The following PRDM5 variants were observed in gnomAD, a reference collection of about 807,000 sequenced individuals.
The protein encoded by PRDM5 is PR/SET domain 5.
Under a neutral mutation model 81.2 loss-of-function variants are expected in PRDM5, and 56 were observed. The observed-to-expected ratio is 0.69, with a 90% CI of 0.56 to 0.86. The LOEUF (loss-of-function observed/expected upper bound fraction) is 0.86. Ranked by LOEUF, PRDM5 falls within the 40% of genes least tolerant of loss-of-function variation. The pLI, the probability that PRDM5 is intolerant of heterozygous loss-of-function variation, is 0.00. For missense variants in PRDM5, 697 were observed against 770.1 expected, an observed-to-expected ratio of 0.91 and a Z score of 1.12; for synonymous variants, 267 against 256.4, an observed-to-expected ratio of 1.04 and a Z score of -0.39.
intron 2 of PRDM5, among the ~76,000 whole-genome samples, chr4:120,886,329 C>G (rs547047371): frequency 3.9e-5 from 6 of 152,272 alleles, no homozygotes; most frequent in Non-Finnish European, 7.4e-5. Context: ...CAATTGAAAA[C>G]ATTTTTTCCC....
At chr4:120,897,647 C>T (rs1270980606) in intron 2 of PRDM5, among the ~76,000 whole-genome samples, 1 of 152,178 alleles carries the variant, frequency 6.6e-6, no homozygotes, top group African/African-American at 2.4e-5. Context: ...AGTTTAATCT[C>T]TGTAATTCAT....
chr4:120,810,793 T>A (rs1753729449), intron 8 of PRDM5, among the ~76,000 whole-genome samples: 1 of 152,144 alleles, frequency 6.6e-6, no homozygotes, highest in Non-Finnish European at 1.5e-5. Context: ...TCTCCTTAAG[T>A]ATCAAAATCA....
rs572582798 is a variant in PRDM5, at chr4:120,803,652, T to C, written c.946-3907A>G. ...ATAAAATACTTTACAGACAAGAAAATGCTGAGATTTTGTCACCACCAGGCC... is the reference window on the plus strand; with the variant it reads ...ATAAAATACTTTACAGACAAGAAAACGCTGAGATTTTGTCACCACCAGGCC... On this transcript the variant is annotated intron_variant, in intron 8 of 15. Transcript: ENST00000264808. Among the ~76,000 whole-genome samples the C allele has an allele frequency of 4.3e-3, 655 of 152,096 alleles. 2 individuals are homozygous for C. The highest frequency in any genetic ancestry group is 0.015 in the African/African-American group (615 of 41,502).
chr4:120,894,401 T>C (rs1764392481), intron 2 of PRDM5, among the ~76,000 whole-genome samples: 1 of 152,218 alleles, frequency 6.6e-6, no homozygotes. Context: ...CACTCCTTTC[T>C]GCATTTCCAT....
At chr4:120,821,700 G>A (rs1485886020) in intron 3 of PRDM5, among the ~76,000 whole-genome samples, 2 of 150,716 alleles carry the variant, frequency 1.3e-5, no homozygotes, top group East Asian at 1.9e-4. Context: ...AGAGAGCAAT[G>A]AGATATCAAT....
At chr4:120,900,245 G>A (rs1004266601) in intron 2 of PRDM5, among the ~76,000 whole-genome samples, 4 of 152,094 alleles carry the variant, frequency 2.6e-5, no homozygotes, top group Admixed American at 2.6e-4. Context: ...GGGGGACACA[G>A]GGGGCTGAAA....
At chr4:120,698,406 C>T (rs1017668537) in intron 15 of PRDM5, among the ~76,000 whole-genome samples, 7 of 152,064 alleles carry the variant, frequency 4.6e-5, no homozygotes, top group African/African-American at 9.7e-5. Flanking sequence ...CTTTATTTTC[C>T]GGAATAGGCC....
intron 3 of PRDM5, among the ~76,000 whole-genome samples, chr4:120,825,699 TCTTA>T (rs1328730528): frequency 1.3e-5 from 2 of 151,378 alleles, no homozygotes; most frequent in African/African-American, 4.8e-5. Context: ...GTGTTGTTTT[TCTTA>T]CTTATTGTTA....
At chr4:120,733,022 A>G (rs1263737696) in intron 14 of PRDM5, among the ~76,000 whole-genome samples, 1 of 152,226 alleles carries the variant, frequency 6.6e-6, no homozygotes, top group Non-Finnish European at 1.5e-5. Context: ...AGCAATTGTT[A>G]TAGTTTTACT....
At chr4:120,799,575 G>A in intron 9 of PRDM5, 86 bp downstream of exon 9, 2 of 1,540,392 alleles carry the variant, frequency 1.3e-6, no homozygotes, top group Non-Finnish European at 1.8e-6. Flanking sequence ...TAAGGCCCCT[G>A]ATTACCACTC....
At chr4:120,702,755 A>G (rs1037169439) in intron 15 of PRDM5, among the ~76,000 whole-genome samples, 3 of 152,198 alleles carry the variant, frequency 2.0e-5, no homozygotes, top group Non-Finnish European at 4.4e-5. Flanking sequence ...TTATAAGTAT[A>G]TATTCAAATT....
intron 2 of PRDM5, among the ~76,000 whole-genome samples, chr4:120,906,307 C>A (rs1296458326): frequency 1.3e-5 from 2 of 152,132 alleles, no homozygotes; most frequent in Non-Finnish European, 2.9e-5. Flanking sequence ...TTGCCACTGT[C>A]TTCCAATTGC....
chr4:120,772,327 T>C (rs1747415714), intron 13 of PRDM5, among the ~76,000 whole-genome samples: 1 of 152,216 alleles, frequency 6.6e-6, no homozygotes. Context: ...GTTTTGGAGT[T>C]GAGTTCTAGA....
chr4:120,885,122 A>G (rs1308653627), intron 2 of PRDM5, among the ~76,000 whole-genome samples: 1 of 145,382 alleles, frequency 6.9e-6, no homozygotes, highest in Non-Finnish European at 1.5e-5. Context: ...GCGACAGAGC[A>G]AGACTCCGTA....
rs1430127652 is a variant in PRDM5 at position 120,764,263 on chromosome 4, A to C, written c.1538-9625T>G. ...AATGATAAAAATATGAACTACGTAA[A>C]TGACAGTATATTTTAAATGATCTAT... On this transcript the variant is annotated intron_variant, in intron 13 of 15. Transcript: ENST00000264808. Among the ~76,000 whole-genome samples the C allele has an allele frequency of 2.6e-5, 4 of 152,206 alleles. No homozygotes were observed. In the East Asian group the frequency reaches 7.7e-4, roughly 29 times the overall value.
In PRDM5 at chr4:120,694,816, G is replaced by C; in HGVS notation, c.*295C>G. The C allele has an allele frequency of 1.0e-5, 4 of 388,592 alleles. No individual in the cohort carries two copies. Among genetic ancestry groups the C allele is most frequent in the South Asian group, 1.0e-4 (4 of 39,320 alleles). The allele number at this position is 388,592 out of a possible 1,614,324, so 24.1% of individuals were successfully genotyped here. On this transcript the variant is annotated 3_prime_UTR_variant, in exon 16 of 16. Transcript: ENST00000264808. The stretch of plus-strand genomic sequence containing the variant: ...GAAGTATATTATAAACTTCATTACA[G>C]AGGGATGGCCAAGAAAGAGAGCCAT...
At chr4:120,761,951 AC>A (rs1443325041) in intron 13 of PRDM5, among the ~76,000 whole-genome samples, 1 of 152,144 alleles carries the variant, frequency 6.6e-6, no homozygotes, top group Non-Finnish European at 1.5e-5. Context: ...TGTATATATT[AC>A]CACAATTTTT....
chr4:120,839,571 G>C (rs1032919266), intron 3 of PRDM5, among the ~76,000 whole-genome samples: 1 of 152,194 alleles, frequency 6.6e-6, no homozygotes, highest in East Asian at 1.9e-4. Context: ...AGGGGAGGAA[G>C]TGTGCATTCT....
At chr4:120,771,825 C>T (rs1043646180) in intron 13 of PRDM5, among the ~76,000 whole-genome samples, 14 of 152,050 alleles carry the variant, frequency 9.2e-5, no homozygotes, top group Non-Finnish European at 1.6e-4. Flanking sequence ...TTAATAAACA[C>T]AATTCATTTA....
Sources: allele counts gnomAD v4.1 joint callset (sites outside exome capture counted in the v4.1 genomes callset), GRCh38; gene constraint gnomAD v4.1.1; transcripts MANE v1.5; gene names NCBI Gene and HGNC (gene_info 2026-07-23, HGNC 2026-07-21).